The following NR2F1-AS1 variants were observed in gnomAD, a reference collection of about 807,000 sequenced individuals.
The protein encoded by NR2F1-AS1 is NR2F1 regulatory antisense RNA 1, also known as NR2F1 antisense RNA 1.
chr5:93,417,678 C>T lies in NR2F1-AS1; in HGVS notation n.639-22136G>A, dbSNP rs1748996210. Among the ~76,000 whole-genome samples the T allele has an allele frequency of 3.3e-5, 5 of 152,336 alleles. No homozygotes were observed. In the South Asian group the frequency reaches 1.0e-3, roughly 32 times the overall value. On this transcript the variant is annotated intron_variant and non_coding_transcript_variant, in intron 4 of 5. Coordinates refer to ENST00000660523, the Ensembl canonical transcript of NR2F1-AS1. ...TTTCACGGTGTTGTGTAAATGTGCACAGTATGTGGTCATTCCTAGCTGTTG... is the reference window on the plus strand; with the variant it reads ...TTTCACGGTGTTGTGTAAATGTGCATAGTATGTGGTCATTCCTAGCTGTTG...
chr5:93,484,229 C>G (rs548347543), intron 4 of NR2F1-AS1, among the ~76,000 whole-genome samples: 1 of 152,270 alleles, frequency 6.6e-6, no homozygotes, highest in East Asian at 1.9e-4. Flanking sequence ...CAAAGGGAAG[C>G]CCATCAGACT....
intron 1 of NR2F1-AS1, among the ~76,000 whole-genome samples, chr5:93,573,979 T>G (rs1457529654): frequency 2.0e-5 from 3 of 152,358 alleles, no homozygotes; most frequent in South Asian, 4.1e-4. Context: ...ATAAAGCAAT[T>G]ACCCATCGTT....
intron 4 of NR2F1-AS1, among the ~76,000 whole-genome samples, chr5:93,455,774 T>G (rs1749932131): frequency 6.6e-6 from 1 of 151,952 alleles, no homozygotes; most frequent in Admixed American, 6.6e-5. Context: ...AAAGCATTTT[T>G]TCTGGAAATG....
At chr5:93,530,282 A>G (rs112007189) in intron 4 of NR2F1-AS1, among the ~76,000 whole-genome samples, 36,723 of 151,872 alleles carry the variant, frequency 0.24, 7,768 homozygotes, top group African/African-American at 0.58. Flanking sequence ...TGGTTTCACC[A>G]TTTTAGCCAG....
chr5:93,493,844 A>C (rs1048840947), intron 4 of NR2F1-AS1, among the ~76,000 whole-genome samples: 1 of 152,010 alleles, frequency 6.6e-6, no homozygotes, highest in South Asian at 2.1e-4. Context: ...AGAAAAAAAA[A>C]CCTCCAAATG....
intron 4 of NR2F1-AS1, among the ~76,000 whole-genome samples, chr5:93,457,596 T>C (rs538269590): frequency 6.6e-6 from 1 of 152,188 alleles, no homozygotes; most frequent in African/African-American, 2.4e-5. Context: ...CTTTTCTTTT[T>C]GACAAAACCA....
At chr5:93,427,868 C>T (rs144396953) in intron 4 of NR2F1-AS1, among the ~76,000 whole-genome samples, 1 of 152,178 alleles carries the variant, frequency 6.6e-6, no homozygotes, top group Non-Finnish European at 1.5e-5. Context: ...CTTCTTCATT[C>T]TTTTCCCTCC....
At chr5:93,427,289 T>TA (rs1561431234) in intron 4 of NR2F1-AS1, among the ~76,000 whole-genome samples, 1 of 152,182 alleles carries the variant, frequency 6.6e-6, no homozygotes, top group Non-Finnish European at 1.5e-5. Context: ...TAGACACACT[T>TA]ATATCCTGTT....
intron 4 of NR2F1-AS1, among the ~76,000 whole-genome samples, chr5:93,545,905 T>C (rs933452439): frequency 3.3e-5 from 5 of 152,188 alleles, no homozygotes; most frequent in African/African-American, 1.2e-4. Flanking sequence ...CACGGAAGTC[T>C]AGGAATCTCT....
chr5:93,462,441 AGTCTTTAGTAT>A (rs1750116965), intron 4 of NR2F1-AS1, among the ~76,000 whole-genome samples: 1 of 152,188 alleles, frequency 6.6e-6, no homozygotes, highest in South Asian at 2.1e-4. Flanking sequence ...TAAATTATGC[AGTCTTTAGTAT>A]GTCTTTATTA....
At chr5:93,416,694 C>T (rs1376511713) in intron 4 of NR2F1-AS1, among the ~76,000 whole-genome samples, 1 of 152,112 alleles carries the variant, frequency 6.6e-6, no homozygotes, top group African/African-American at 2.4e-5. Context: ...TTTCCTAGGG[C>T]CACATAGCTA....
chr5:93,556,900 C>G (rs1752369664), intron 2 of NR2F1-AS1, among the ~76,000 whole-genome samples: 1 of 152,128 alleles, frequency 6.6e-6, no homozygotes, highest in Admixed American at 6.5e-5. Context: ...AGCAAAATAA[C>G]ACAACTACTA....
chr5:93,465,399 T>G (rs1260271064), intron 4 of NR2F1-AS1, among the ~76,000 whole-genome samples: 1 of 152,188 alleles, frequency 6.6e-6, no homozygotes, highest in Non-Finnish European at 1.5e-5. Context: ...CCAGTTAGAA[T>G]GGCGATCATT....
intron 4 of NR2F1-AS1, among the ~76,000 whole-genome samples, chr5:93,444,285 T>C (rs555414998): frequency 6.6e-6 from 1 of 152,292 alleles, no homozygotes; most frequent in African/African-American, 2.4e-5. Flanking sequence ...GATCCATCAG[T>C]GTGCTGTATT....
chr5:93,513,239 G>C (rs1751337559), intron 4 of NR2F1-AS1, among the ~76,000 whole-genome samples: 1 of 152,150 alleles, frequency 6.6e-6, no homozygotes, highest in African/African-American at 2.4e-5. Flanking sequence ...TTCAGCCACT[G>C]TGGAAAGCAG....
chr5:93,585,043 G>A (rs1753203799), upstream of NR2F1-AS1: 3 of 1,033,860 alleles, frequency 2.9e-6, no homozygotes, highest in Admixed American at 1.5e-4. Context: ...GTAGTTAGCA[G>A]CTGGCGAGAT....
intron 4 of NR2F1-AS1, among the ~76,000 whole-genome samples, chr5:93,465,180 T>A (rs200700836): frequency 6.6e-6 from 1 of 152,096 alleles, no homozygotes; most frequent in Admixed American, 6.5e-5. Flanking sequence ...TACTCACCTG[T>A]CAAAGGGCTA....
intron 4 of NR2F1-AS1, among the ~76,000 whole-genome samples, chr5:93,522,579 TG>T (rs991754058): frequency 6.6e-6 from 1 of 152,226 alleles, no homozygotes; most frequent in Non-Finnish European, 1.5e-5. Flanking sequence ...GGAAGAGCTC[TG>T]GTCAGCAGCT....
At chr5:93,495,088 A>G (rs1750930706) in intron 4 of NR2F1-AS1, among the ~76,000 whole-genome samples, 1 of 152,222 alleles carries the variant, frequency 6.6e-6, no homozygotes, top group African/African-American at 2.4e-5. Flanking sequence ...CATTTATTAT[A>G]TAAATAACTA....
Sources: gnomAD v4.1 joint callset for allele counts (sites outside exome capture counted in the v4.1 genomes callset) on GRCh38, gnomAD v4.1.1 for gene constraint, MANE v1.5 for transcripts, NCBI Gene and HGNC (gene_info 2026-07-23, HGNC 2026-07-21) for gene names.